The following GRWD1 variants were observed in gnomAD, a reference collection of about 807,000 sequenced individuals.
GRWD1 encodes the protein glutamate rich WD repeat containing 1.
GRWD1 carries 29 observed loss-of-function variants against 45.3 expected under a neutral mutation model. The ratio of observed to expected loss-of-function variants is 0.64; its 90% CI spans 0.48 to 0.87. GRWD1 has a LOEUF of 0.87. Ranked by LOEUF, GRWD1 falls within the 40% of genes least tolerant of loss-of-function variation. The pLI, the probability that GRWD1 is intolerant of heterozygous loss-of-function variation, is 0.00. For missense variants in GRWD1, 592 were observed against 618.8 expected (o/e 0.96, Z 0.46); for synonymous variants, 262 against 257.6 (o/e 1.02, Z -0.16).
rs1279224959 is a variant in GRWD1, at chr19:48,452,363, G to A, written c.1024-345G>A. Reference sequence around the variant, plus strand: ...TCCACCCGCCTTGGCCTCCCAAGGTGCTGAGATTACAGTCGTGAGCCACCG... The same window carrying A: ...TCCACCCGCCTTGGCCTCCCAAGGTACTGAGATTACAGTCGTGAGCCACCG... On this transcript the variant is annotated intron_variant, in intron 6 of 6. Transcript: ENST00000253237. The surrounding 1 kb of genome is among the most constrained non-coding windows in gnomAD (Gnocchi z 5.1). Among the ~76,000 whole-genome samples the A allele has an allele frequency of 6.6e-6, 1 of 151,958 alleles. No individual in the cohort carries two copies. The highest frequency in any genetic ancestry group is 2.4e-5 in the African/African-American group (1 of 41,384).
rs1971482197 is a variant in GRWD1 at position 48,452,107 on chromosome 19, C to CT, written c.1024-592dup. Among the ~76,000 whole-genome samples, 2 of 116,816 alleles carry CT rather than the reference C, an allele frequency of 1.7e-5. No homozygotes were observed. Among genetic ancestry groups the CT allele is most frequent in the African/African-American group, 3.3e-5 (1 of 30,126 alleles). 76.6% of individuals were successfully genotyped at this position (116,816 alleles called of 152,430 possible). On this transcript the variant is annotated intron_variant, in intron 6 of 6. Transcript: ENST00000253237. The surrounding 1 kb of genome is among the most constrained non-coding windows in gnomAD (Gnocchi z 5.1). ...TTTTTTTCTTTTTTTTTTTTTTTTT[C>CT]TTTTTTTTTGCGATGGAGTTTTGCT... is the stretch of plus-strand genomic sequence containing the variant.
chr19:48,450,911 G>C lies in GRWD1; in HGVS notation c.825+103G>C, dbSNP rs1199479629. The C allele has an allele frequency of 1.3e-6, 2 of 1,508,224 alleles. No homozygotes were observed. Among genetic ancestry groups the C allele is most frequent in the Non-Finnish European group, 1.8e-6 (2 of 1,108,724 alleles). 93.4% of individuals were successfully genotyped at this position (1,508,224 alleles called of 1,614,324 possible). On this transcript the variant is annotated intron_variant, in intron 5 of 6. Transcript: ENST00000253237. The surrounding 1 kb of genome is among the most constrained non-coding windows in gnomAD (Gnocchi z 5.1). ...AAAGAGGGCTGGGAGCCTGACGGAGGTTTAGTTTCCAGGCCAAGTCATAGT... is the reference window on the plus strand; with the variant it reads ...AAAGAGGGCTGGGAGCCTGACGGAGCTTTAGTTTCCAGGCCAAGTCATAGT...
At position 48,446,405 on chromosome 19, in the gene GRWD1, G is replaced by A. The variant is rs753973554; in HGVS notation, c.208G>A (p.Asp70Asn). The change falls in exon 2 of 7, where the codon GAC becomes AAC. Residue 70 changes from aspartate (D) to asparagine (N), a missense_variant. Coordinates refer to ENST00000253237, the MANE Select transcript of GRWD1 (RefSeq NM_031485.4). ...CCCAGGCGCCCCCTGTCTCAGCTTT[G>A]ACATAGTCCGGGATCACCTGGGAGA... ...AQTGAPCLSF[D>N]IVRDHLGDNR... 1.2e-6 allele frequency: 2 copies of A among 1,614,156 alleles called. No homozygotes were observed.
rs2147490053 is a variant in GRWD1 at position 48,456,455 on chromosome 19, AG to A, written c.*3431del. 6.6e-6 allele frequency: 1 copy of A among 152,360 alleles called. No individual in the cohort carries two copies. Among genetic ancestry groups the A allele is most frequent in the African/African-American group, 2.4e-5 (1 of 41,580 alleles). 9.4% of individuals were successfully genotyped at this position (152,360 alleles called of 1,614,324 possible). On this transcript the variant is annotated 3_prime_UTR_variant, in exon 7 of 7. Transcript: ENST00000253237. ...ACAGCCAGGCTGGTCCCCTCACCTCAGCCTTGCCTCTGTCAAGTGGGCCTAA... is the reference window on the plus strand; with the variant it reads ...ACAGCCAGGCTGGTCCCCTCACCTCACCTTGCCTCTGTCAAGTGGGCCTAA...
At position 48,446,819 on chromosome 19, in the gene GRWD1, C is replaced by G. The variant is rs768601092; in HGVS notation, c.444C>G (p.His148Gln). 5.6e-6 allele frequency: 9 copies of G among 1,613,636 alleles called. No individual in the cohort carries two copies. The highest frequency in any genetic ancestry group is 7.6e-6 in the Non-Finnish European group (9 of 1,179,990). The change falls in exon 3 of 7, where the codon CAC (histidine) becomes CAG (glutamine). Residue 148 changes from histidine (H) to glutamine (Q), a missense_variant. His to Gln is a conservative substitution (Grantham distance 24). Coordinates refer to ENST00000253237, the MANE Select transcript of GRWD1 (RefSeq NM_031485.4). ...KPQLELAMVPHYGGINRVRVS... is the reference protein window; with the variant it reads ...KPQLELAMVPQYGGINRVRVS... ...AGCTGGAGCTGGCCATGGTGCCCCA[C>G]TATGGTGGCATCAACCGAGTTCGGG...
chr19:48,446,547 C>T, intron 2 of GRWD1, 45 bp downstream of exon 2: 3 of 1,596,754 alleles, frequency 1.9e-6, no homozygotes, highest in Admixed American at 1.7e-5. Flanking sequence ...CAGTTTCCAG[C>T]CCCTTCCTCA....
Position 48,452,773 on chromosome 19 carries a change from C to G in GRWD1, c.1089C>G (p.Pro363=). The G allele has an allele frequency of 6.2e-7, 1 of 1,608,802 alleles. No homozygotes were observed. The highest frequency in any genetic ancestry group is 1.1e-5 in the South Asian group (1 of 90,840). ...VAPVTSVEWH[P]QDSGVFAASG... ...CCGTGACCTCCGTCGAGTGGCACCC[C>G]CAGGACAGCGGGGTCTTTGCAGCCT... Residue 363 remains proline, a synonymous_variant, in exon 7 of 7, where the codon CCC becomes CCG. Transcript: ENST00000253237. The surrounding 1 kb of genome is among the most constrained non-coding windows in gnomAD (Gnocchi z 5.1).
At chr19:48,449,414 T>G (rs1421008424) in intron 3 of GRWD1, among the ~76,000 whole-genome samples, 1 of 152,170 alleles carries the variant, frequency 6.6e-6, no homozygotes, top group Non-Finnish European at 1.5e-5. Flanking sequence ...ATTTTTACTG[T>G]AGTCAGCATA....
Position 48,453,395 on chromosome 19 carries a change from T to G in GRWD1, c.*370T>G, listed in dbSNP as rs1169312580. On this transcript the variant is annotated 3_prime_UTR_variant, in exon 7 of 7. Coordinates refer to ENST00000253237, the MANE Select transcript of GRWD1 (RefSeq NM_031485.4). ...GTCTGTCGCCCAGGCTGGAGTGCAG[T>G]AGCACGATCTTGGCTCACTGCAACC... 1 of 178,614 alleles carries G rather than the reference T, an allele frequency of 5.6e-6. No individual in the cohort carries two copies. Among genetic ancestry groups the G allele is most frequent in the Non-Finnish European group, 1.2e-5 (1 of 85,480 alleles). 11.1% of individuals were successfully genotyped at this position (178,614 alleles called of 1,614,324 possible).
chr19:48,455,370 AGT>A lies in GRWD1; in HGVS notation c.*2348_*2349del, dbSNP rs1355177703. The A allele has an allele frequency of 5.7e-5, 8 of 139,234 alleles. No individual in the cohort carries two copies. The highest frequency in any genetic ancestry group is 3.5e-3 in the Middle Eastern group (1 of 284). The allele number at this position is 139,234 out of a possible 1,614,324, so 8.6% of individuals were successfully genotyped here. ...ACACCCCTGGTTTCGGAAGAGTGAG[AGT>A]GTTGATTTGGGAGGGTGAGGGTGGG... On this transcript the variant is annotated 3_prime_UTR_variant, in exon 7 of 7. Transcript: ENST00000253237.
Position 48,452,651 on chromosome 19 carries a change from C to T in GRWD1, c.1024-57C>T, listed in dbSNP as rs528955331. The T allele has an allele frequency of 6.6e-4, 948 of 1,432,898 alleles. 3 individuals carry two copies. Among genetic ancestry groups the T allele is most frequent in the Non-Finnish European group, 8.5e-4 (894 of 1,052,322 alleles). The allele number at this position is 1,432,898 out of a possible 1,614,324, so 88.8% of individuals were successfully genotyped here. A position where few individuals can be genotyped will look rare whatever the true frequency, so the allele number is the denominator to read the frequency against. ...AAGGGTTGGGGCTTCTGCCTGGGTC[C>T]TCCCCAGAGTCAGGCTGAGGCATTC... is the stretch of plus-strand genomic sequence containing the variant. On this transcript the variant is annotated intron_variant, in intron 6 of 6. Coordinates refer to ENST00000253237, the MANE Select transcript of GRWD1 (RefSeq NM_031485.4). This position sits in a 1 kb window ranked among gnomAD's most constrained non-coding sequence, Gnocchi z 5.1.
In GRWD1 at chr19:48,452,969, C is replaced by G. The variant is rs1405301504; in HGVS notation, c.1285C>G (p.Leu429Val). 2 of 1,610,166 alleles carry G rather than the reference C, an allele frequency of 1.2e-6. No homozygotes were observed. The change falls in exon 7 of 7, where the codon CTC becomes GTC. Residue 429 changes from leucine (L) to valine (V), a missense_variant. Physicochemically the swap from Leu to Val is conservative, Grantham distance 32. Coordinates refer to ENST00000253237, the MANE Select transcript of GRWD1 (RefSeq NM_031485.4). The surrounding 1 kb of genome is among the most constrained non-coding windows in gnomAD (Gnocchi z 5.1). ...GCACTGGCACCCGCAGTGCCCAGGG[C>G]TCCTGGTCAGCACGGCGCTGTCAGG... is the stretch of plus-strand genomic sequence containing the variant. ...ELHWHPQCPG[L>V]LVSTALSGFT...
rs905499987 is a variant in GRWD1 at position 48,455,327 on chromosome 19, G to A, written c.*2302G>A. 6.6e-6 allele frequency: 1 copy of A among 152,218 alleles called. No homozygotes were observed. The highest frequency in any genetic ancestry group is 1.5e-5 in the Non-Finnish European group (1 of 68,062). The allele number at this position is 152,218 out of a possible 1,614,324, so 9.4% of individuals were successfully genotyped here. A position where few individuals can be genotyped will look rare whatever the true frequency, so the allele number is the denominator to read the frequency against. On this transcript the variant is annotated 3_prime_UTR_variant, in exon 7 of 7. Coordinates refer to ENST00000253237, the MANE Select transcript of GRWD1 (RefSeq NM_031485.4). Reference sequence around the variant, plus strand: ...ACCTGCTGTCCAGCCCCCACCAGTAGGTGGGGAGTGGTGGGGAACACCCCT... The same window carrying A: ...ACCTGCTGTCCAGCCCCCACCAGTAAGTGGGGAGTGGTGGGGAACACCCCT...
rs146609521 is a variant in GRWD1, at chr19:48,449,373, C to T, written c.469-940C>T. Reference sequence around the variant, plus strand: ...TCCCAAAGTGCTGGGATTACAGGTGCGAGCCACCGCGCCTGGCCCTGGAAG... The same window carrying T: ...TCCCAAAGTGCTGGGATTACAGGTGTGAGCCACCGCGCCTGGCCCTGGAAG... On this transcript the variant is annotated intron_variant, in intron 3 of 6. Transcript: ENST00000253237. Among the ~76,000 whole-genome samples the T allele has an allele frequency of 6.0e-3, 914 of 152,146 alleles. 2 individuals carry two copies. Among genetic ancestry groups the T allele is most frequent in the Middle Eastern group, 0.02 (6 of 294 alleles).
chr19:48,450,397 C>T lies in GRWD1; in HGVS notation c.553C>T (p.Gln185Ter), dbSNP rs1971457034. Residue 185 changes from glutamine (Q) to a stop codon, truncating the protein, a stop_gained, in exon 4 of 7, where the codon CAG becomes TAG. Coordinates refer to ENST00000253237, the MANE Select transcript of GRWD1 (RefSeq NM_031485.4). LOFTEE classifies it high-confidence loss of function. This position sits in a 1 kb window ranked among gnomAD's most constrained non-coding sequence, Gnocchi z 5.1. ...VEVFALRRLL[Q>*]VVEEPQALAA... ...GGTGTTTGCGCTGCGGCGGCTTCTGCAGGTGGTGGAGGAGCCCCAGGCCCT... is the reference window on the plus strand; with the variant it reads ...GGTGTTTGCGCTGCGGCGGCTTCTGTAGGTGGTGGAGGAGCCCCAGGCCCT... 1 of 1,613,854 alleles carries T rather than the reference C, an allele frequency of 6.2e-7. No individual in the cohort carries two copies. Among genetic ancestry groups the T allele is most frequent in the South Asian group, 1.1e-5 (1 of 91,068 alleles).
chr19:48,449,965 T>C lies in GRWD1; in HGVS notation c.469-348T>C, dbSNP rs558813235. Among the ~76,000 whole-genome samples the C allele has an allele frequency of 8.2e-4, 124 of 152,078 alleles. 1 individual carries two copies. The highest frequency in any genetic ancestry group is 2.9e-3 in the African/African-American group (119 of 41,490). On this transcript the variant is annotated intron_variant, in intron 3 of 6. Coordinates refer to ENST00000253237, the MANE Select transcript of GRWD1 (RefSeq NM_031485.4). The stretch of plus-strand genomic sequence containing the variant: ...GGCAAGGAGATCCGAGGACTGAGTC[T>C]TGTGGCCTTCTAGCATTTAGAGGGT...
chr19:48,456,633 C>A lies in GRWD1; in HGVS notation c.*3608C>A, dbSNP rs1157393058. The A allele has an allele frequency of 6.6e-6, 1 of 152,152 alleles. No individual in the cohort carries two copies. Among genetic ancestry groups the A allele is most frequent in the East Asian group, 1.9e-4 (1 of 5,174 alleles). The allele number at this position is 152,152 out of a possible 1,614,324, so 9.4% of individuals were successfully genotyped here. The stretch of plus-strand genomic sequence containing the variant: ...CCCTGCCAAGAAGCCCCTGAGGATC[C>A]CCAGGTTCCAGCACAAATTATTTAA... On this transcript the variant is annotated 3_prime_UTR_variant, in exon 7 of 7. Coordinates refer to ENST00000253237, the MANE Select transcript of GRWD1 (RefSeq NM_031485.4).
Position 48,446,016 on chromosome 19 carries a change from G to C in GRWD1, c.11G>C (p.Arg4Pro). The change falls in exon 1 of 7, where the codon CGC (arginine) becomes CCC (proline). Residue 4 changes from arginine to proline, a missense_variant. By Grantham distance (103) the Arg-to-Pro change is moderately radical (BLOSUM62 -2). Transcript: ENST00000253237. MAARKGRRRTCETG... is the reference protein window; with the variant it reads MAAPKGRRRTCETG... ...CGAGAGGGTTCGAAGATGGCGGCGC[G>C]CAAGGGTCGGCGGCGCACGTGTGAA... The C allele has an allele frequency of 6.3e-7, 1 of 1,586,744 alleles. No homozygotes were observed.
chr19:48,452,782 C>T lies in GRWD1; in HGVS notation c.1098C>T (p.Ser366=), dbSNP rs138248385. The change falls in exon 7 of 7, where the codon AGC becomes AGT. Residue 366 remains serine (S), a synonymous_variant. Coordinates refer to ENST00000253237, the MANE Select transcript of GRWD1 (RefSeq NM_031485.4). The surrounding 1 kb of genome is among the most constrained non-coding windows in gnomAD (Gnocchi z 5.1). ...CCGTCGAGTGGCACCCCCAGGACAG[C>T]GGGGTCTTTGCAGCCTCGGGTGCAG... is the stretch of plus-strand genomic sequence containing the variant. The part of the protein sequence containing the change: ...VTSVEWHPQD[S]GVFAASGADH... 5.9e-4 allele frequency: 943 copies of T among 1,610,926 alleles called. 3 individuals are homozygous for T. In the Middle Eastern group the frequency reaches 7.9e-3, roughly 14 times the overall value.
Sources: gnomAD v4.1 joint callset for allele counts (sites outside exome capture counted in the v4.1 genomes callset) on GRCh38, gnomAD v4.1.1 for gene constraint, Gnocchi (gnomAD v3.1) non-coding constraint, MANE v1.5 for transcripts, NCBI Gene and HGNC (gene_info 2026-07-23, HGNC 2026-07-21) for gene names.